STT3B: variants seen among roughly 807,000 people sequenced by gnomAD.
The protein encoded by STT3B is STT3 oligosaccharyltransferase complex catalytic subunit B.
STT3B carries 29 observed loss-of-function variants against 96.8 expected under a neutral mutation model. That is an observed-to-expected ratio of 0.30 (90% CI 0.22 to 0.41). The LOEUF (loss-of-function observed/expected upper bound fraction) is 0.41, where lower values mean the gene tolerates loss of function less well. Among genes scored for constraint, STT3B ranks in the 10% least tolerant of loss-of-function variants. The pLI is 1.00. For synonymous variants in STT3B, 367 were observed against 360.0 expected (o/e 1.02, Z -0.22); for missense variants, 640 against 1,022.3 (o/e 0.63, Z 5.10).
chr3:31,563,815 T>G (rs1339137146), intron 1 of STT3B, among the ~76,000 whole-genome samples: 1 of 151,544 alleles, frequency 6.6e-6, no homozygotes, highest in African/African-American at 2.4e-5. Flanking sequence ...TATTCAGACG[T>G]TTTTTTTGAG....
chr3:31,560,160 G>T (rs964354831), intron 1 of STT3B, among the ~76,000 whole-genome samples: 1 of 151,996 alleles, frequency 6.6e-6, no homozygotes, highest in Non-Finnish European at 1.5e-5. Context: ...TATCTTTTAA[G>T]TGGAAAGTTT....
rs763601131 is a variant in STT3B, at chr3:31,624,929, A to G, written c.1743A>G (p.Leu581=). The stretch of plus-strand genomic sequence containing the variant: ...TTCTTTTCAGCACCAGGAATATCTT[A>G]GATGATTTTAGAGAAGCTTACTTTT... ...SYNHDGTRNI[L]DDFREAYFWL... The change falls in exon 12 of 16, where the codon TTA becomes TTG. Residue 581 remains leucine (L), a synonymous_variant. Coordinates refer to ENST00000295770, the MANE Select transcript of STT3B (RefSeq NM_178862.3). 4.3e-6 allele frequency: 7 copies of G among 1,612,290 alleles called. No individual in the cohort carries two copies. The South Asian group carries it at 7.7e-5, about 18-fold the overall frequency.
chr3:31,555,636 T>C (rs1166429792), intron 1 of STT3B, among the ~76,000 whole-genome samples: 1 of 152,154 alleles, frequency 6.6e-6, no homozygotes, highest in Non-Finnish European at 1.5e-5. Context: ...TTATTTATAC[T>C]TGTCTTGTTC....
At chr3:31,591,323 C>T (rs1045297151) in intron 3 of STT3B, among the ~76,000 whole-genome samples, 1 of 152,042 alleles carries the variant, frequency 6.6e-6, no homozygotes, top group Non-Finnish European at 1.5e-5. Context: ...TCCTTAAAAT[C>T]AAACTATTTG....
At chr3:31,602,660 ATTTTTT>A (rs11316900) in intron 5 of STT3B, among the ~76,000 whole-genome samples, 3 of 125,098 alleles carry the variant, frequency 2.4e-5, no homozygotes, top group South Asian at 2.6e-4. Flanking sequence ...GGTAGCTGGG[ATTTTTT>A]TTTTTTTTTT....
intron 1 of STT3B, among the ~76,000 whole-genome samples, chr3:31,567,227 A>G (rs1698027226): frequency 1.3e-5 from 2 of 152,120 alleles, no homozygotes; most frequent in Admixed American, 1.3e-4. Flanking sequence ...TTGAAATGTA[A>G]TACTTGGTAC....
chr3:31,605,708 C>T (rs1699035589), intron 5 of STT3B, among the ~76,000 whole-genome samples: 1 of 152,150 alleles, frequency 6.6e-6, no homozygotes, highest in Non-Finnish European at 1.5e-5. Flanking sequence ...TTATCAGCAG[C>T]ATGAGAACAG....
chr3:31,619,754 T>C lies in STT3B; in HGVS notation c.1251T>C (p.Asp417=), dbSNP rs542443872. ...QPTTWVSFFF[D]LHILVCTFPA... is the part of the protein sequence containing the mutation. ...CGACTTGGGTGTCTTTCTTCTTTGA[T>C]CTACATATTCTTGTATGTACCTTCC... is the stretch of plus-strand genomic sequence containing the variant. The change falls in exon 9 of 16, where the codon GAT becomes GAC. Residue 417 remains aspartate, a synonymous_variant. Coordinates refer to ENST00000295770, the MANE Select transcript of STT3B (RefSeq NM_178862.3). 21 of 1,613,968 alleles carry C rather than the reference T, an allele frequency of 1.3e-5. No homozygotes were observed. In the South Asian group the frequency reaches 2.3e-4, roughly 18 times the overall value.
At chr3:31,624,543 G>T (rs1699491820) in intron 11 of STT3B, among the ~76,000 whole-genome samples, 1 of 152,166 alleles carries the variant, frequency 6.6e-6, no homozygotes, top group Non-Finnish European at 1.5e-5. Flanking sequence ...AGGTGATTCA[G>T]ATGCAGCTAA....
chr3:31,596,752 A>T, intron 3 of STT3B, 46 bp from the exon 4 acceptor site: 1 of 1,448,284 alleles, frequency 6.9e-7, no homozygotes, highest in Non-Finnish European at 9.6e-7. Context: ...ATTCCGCAAG[A>T]ACATTTGTAA....
In STT3B at chr3:31,547,699, T is replaced by C. The variant is rs556063646; in HGVS notation, c.314+14387T>C. Among the ~76,000 whole-genome samples, 398 of 152,316 alleles carry C rather than the reference T, an allele frequency of 2.6e-3. 2 individuals are homozygous for C. The highest frequency in any genetic ancestry group is 4.2e-3 in the Non-Finnish European group (288 of 68,018). ...ACAACTCAGTTGGTTTAAACTGAAA[T>C]GCCACAGAACAATTCTGAATTCCAA... On this transcript the variant is annotated intron_variant, in intron 1 of 15. Coordinates refer to ENST00000295770, the MANE Select transcript of STT3B (RefSeq NM_178862.3).
intron 4 of STT3B, among the ~76,000 whole-genome samples, chr3:31,598,643 T>C (rs914055751): frequency 6.6e-6 from 1 of 152,166 alleles, no homozygotes; most frequent in African/African-American, 2.4e-5. Flanking sequence ...TTTCAGAACA[T>C]CAGATTCACT....
chr3:31,543,997 T>G (rs759331818), intron 1 of STT3B, among the ~76,000 whole-genome samples: 56 of 152,236 alleles, frequency 3.7e-4, no homozygotes, highest in Non-Finnish European at 1.5e-4. Context: ...GCAATAGAAG[T>G]AAAATTCACA....
At chr3:31,612,567 A>G (rs79323822) in intron 5 of STT3B, among the ~76,000 whole-genome samples, 4,090 of 152,168 alleles carry the variant, frequency 0.027, 184 homozygotes, top group African/African-American at 0.094. Context: ...TTCATTTCCT[A>G]TTTTCTTTTT....
chr3:31,623,889 AT>A lies in STT3B; in HGVS notation c.1727+32del, dbSNP rs771150402. 31 of 1,512,824 alleles carry A rather than the reference AT, an allele frequency of 2.0e-5. No homozygotes were observed. In the East Asian group the frequency reaches 6.8e-4, roughly 33 times the overall value. 93.7% of individuals were successfully genotyped at this position (1,512,824 alleles called of 1,614,324 possible). A position where few individuals can be genotyped will look rare whatever the true frequency, so the allele number is the denominator to read the frequency against. On this transcript the variant is annotated intron_variant, in intron 11 of 15. Transcript: ENST00000295770. ...AAGAAAATAACTCGGATACAAAAAC[AT>A]TTTATACTTACACTTCTTTTTCGTT... is the stretch of plus-strand genomic sequence containing the variant.
intron 3 of STT3B, among the ~76,000 whole-genome samples, chr3:31,593,557 T>G (rs566547013): frequency 1.3e-5 from 2 of 152,218 alleles, no homozygotes; most frequent in South Asian, 2.1e-4. Flanking sequence ...AGCCTCTCCT[T>G]TTTTGAACTT....
intron 1 of STT3B, among the ~76,000 whole-genome samples, chr3:31,537,984 A>T (rs1470655876): frequency 6.6e-6 from 1 of 152,146 alleles, no homozygotes; most frequent in Non-Finnish European, 1.5e-5. Flanking sequence ...TACTTTTAAA[A>T]CTTAATGATC....
chr3:31,596,891 A>G, intron 4 of STT3B, 28 bp downstream of exon 4: 1 of 1,526,428 alleles, frequency 6.6e-7, no homozygotes, highest in Non-Finnish European at 9.1e-7. Flanking sequence ...AGACTACATG[A>G]AGTCTAGTAG....
intron 5 of STT3B, among the ~76,000 whole-genome samples, chr3:31,611,279 T>C (rs1294419497): frequency 6.6e-6 from 1 of 152,170 alleles, no homozygotes; most frequent in African/African-American, 2.4e-5. Flanking sequence ...TTCTTCCTAA[T>C]ATTATGGTTA....
Sources: gnomAD v4.1 joint callset for allele counts (sites outside exome capture counted in the v4.1 genomes callset) on GRCh38, gnomAD v4.1.1 for gene constraint, MANE v1.5 for transcripts, NCBI Gene and HGNC (gene_info 2026-07-23, HGNC 2026-07-21) for gene names.